Variants in FOXO3 observed in about 807,000 individuals in gnomAD.
The protein encoded by FOXO3 is forkhead box protein O3.
FOXO3 carries 4 observed loss-of-function variants against 41.9 expected under a neutral mutation model. That is an observed-to-expected ratio of 0.10 (90% CI 0.05 to 0.22). The LOEUF is 0.22. Ranked by LOEUF, FOXO3 falls within the 10% of genes least tolerant of loss-of-function variation. The pLI is 1.00. For synonymous variants in FOXO3, 318 were observed against 389.3 expected (o/e 0.82, Z 2.16); for missense variants, 534 against 906.8 (o/e 0.59, Z 5.28).
intron 1 of FOXO3, among the ~76,000 whole-genome samples, chr6:108,563,437 C>G (rs1039728792): frequency 6.6e-6 from 1 of 152,176 alleles, no homozygotes; most frequent in African/African-American, 2.4e-5. Flanking sequence ...TTAGACAATT[C>G]CATTTGAAAA....
chr6:108,584,192 G>A (rs1467078426), intron 1 of FOXO3, among the ~76,000 whole-genome samples: 1 of 152,278 alleles, frequency 6.6e-6, no homozygotes, highest in East Asian at 1.9e-4. Flanking sequence ...GTGGGTGATA[G>A]GGATATGCAA....
chr6:108,617,783 A>G (rs1422971270), intron 1 of FOXO3, among the ~76,000 whole-genome samples: 1 of 151,924 alleles, frequency 6.6e-6, no homozygotes, highest in Non-Finnish European at 1.5e-5. Context: ...ATCAAAACAT[A>G]CCGTTGGCTG....
intron 2 of FOXO3, among the ~76,000 whole-genome samples, chr6:108,677,452 T>C (rs1433359843): frequency 6.6e-6 from 1 of 152,160 alleles, no homozygotes; most frequent in Non-Finnish European, 1.5e-5. Flanking sequence ...CCAGCCCACA[T>C]TGGAGCAAGC....
intron 1 of FOXO3, among the ~76,000 whole-genome samples, chr6:108,628,740 AG>A (rs1244864290): frequency 6.6e-6 from 1 of 152,188 alleles, no homozygotes; most frequent in African/African-American, 2.4e-5. Context: ...GCCGGGTTAT[AG>A]CTAGACAGTA....
chr6:108,588,312 G>T (rs1305192974), intron 1 of FOXO3, among the ~76,000 whole-genome samples: 1 of 151,700 alleles, frequency 6.6e-6, no homozygotes. Context: ...GATTTGCATA[G>T]ACCATTGACT....
intron 2 of FOXO3, among the ~76,000 whole-genome samples, chr6:108,670,449 G>T (rs1779186286): frequency 6.6e-6 from 1 of 151,200 alleles, no homozygotes; most frequent in African/African-American, 2.4e-5. Flanking sequence ...CGGAATACTA[G>T]ATCCTCAAGA....
rs895751071 is a variant in FOXO3, at chr6:108,565,515, T to C, written c.621+3686T>C. Among the ~76,000 whole-genome samples the C allele has an allele frequency of 2.6e-5, 4 of 152,234 alleles. No homozygotes were observed. The East Asian group carries it at 7.7e-4, about 29-fold the overall frequency. On this transcript the variant is annotated intron_variant, in intron 1 of 2. Transcript: ENST00000406360. ...CCTGGTAAGGCCTATCTATCACTTA[T>C]TTCGTTATACACAGCACACATCTGC...
At chr6:108,658,138 G>A (rs1188270201) in intron 1 of FOXO3, among the ~76,000 whole-genome samples, 1 of 152,174 alleles carries the variant, frequency 6.6e-6, no homozygotes, top group African/African-American at 2.4e-5. Flanking sequence ...TGACCTGTGA[G>A]GAAAACAGAA....
chr6:108,675,072 C>T (rs1476371181), intron 2 of FOXO3, among the ~76,000 whole-genome samples: 1 of 152,114 alleles, frequency 6.6e-6, no homozygotes, highest in Non-Finnish European at 1.5e-5. Flanking sequence ...TTAACATAAT[C>T]CCTGCCTCAA....
rs1437132462 is a variant in FOXO3 at position 108,683,578 on chromosome 6, C to G, written c.*3786C>G. 2 of 152,110 alleles carry G rather than the reference C, an allele frequency of 1.3e-5. No homozygotes were observed. The highest frequency in any genetic ancestry group is 3.9e-4 in the East Asian group (2 of 5,146). 9.4% of individuals were successfully genotyped at this position (152,110 alleles called of 1,614,324 possible). On this transcript the variant is annotated 3_prime_UTR_variant, in exon 3 of 3. Transcript: ENST00000406360. ...GCGCATGCCTGTAATCCCAGCTACT[C>G]TGGAGGCTGAGGCAGGAGAATCGCT...
intron 1 of FOXO3, among the ~76,000 whole-genome samples, chr6:108,622,655 G>C (rs890787989): frequency 6.6e-6 from 1 of 152,050 alleles, no homozygotes; most frequent in Admixed American, 6.5e-5. Flanking sequence ...TGCCCCTCTA[G>C]GGAAGGGGCC....
intron 1 of FOXO3, among the ~76,000 whole-genome samples, chr6:108,611,289 CCA>C (rs901370083): frequency 2.6e-5 from 4 of 152,082 alleles, no homozygotes; most frequent in African/African-American, 9.7e-5. Context: ...TGGGTTGTTT[CCA>C]GTTTTTTACA....
At chr6:108,627,899 G>A (rs72942587) in intron 1 of FOXO3, among the ~76,000 whole-genome samples, 5,978 of 152,132 alleles carry the variant, frequency 0.039, 239 homozygotes, top group South Asian at 0.21. Context: ...AGAGTATCAC[G>A]TACTTTATAG....
chr6:108,611,304 T>C (rs957172613), intron 1 of FOXO3, among the ~76,000 whole-genome samples: 4 of 152,234 alleles, frequency 2.6e-5, no homozygotes, highest in African/African-American at 9.6e-5. Context: ...TTTTTACAGT[T>C]ATGAATAAAA....
intron 1 of FOXO3, among the ~76,000 whole-genome samples, chr6:108,581,087 A>G (rs1393537586): frequency 1.3e-5 from 2 of 152,246 alleles, no homozygotes; most frequent in African/African-American, 4.8e-5. Context: ...AAGTTGAAGC[A>G]GACTAATTGT....
intron 1 of FOXO3, among the ~76,000 whole-genome samples, chr6:108,611,696 C>CTTTTTTTTTTTTTT (rs780238724): frequency 8.0e-6 from 1 of 125,440 alleles, no homozygotes; most frequent in African/African-American, 2.9e-5. Context: ...AATCTTTTGC[C>CTTTTTTTTTTTTTT]TTTTTTTTTT....
intron 1 of FOXO3, among the ~76,000 whole-genome samples, chr6:108,564,196 G>A (rs755935597): frequency 3.3e-5 from 5 of 152,218 alleles, no homozygotes; most frequent in Non-Finnish European, 7.3e-5. Context: ...ATCAAAAGAT[G>A]CAGCCATGCA....
chr6:108,640,260 GC>G (rs1778221564), intron 1 of FOXO3, among the ~76,000 whole-genome samples: 2 of 152,328 alleles, frequency 1.3e-5, no homozygotes, highest in East Asian at 3.9e-4. Context: ...GGCACAGTAA[GC>G]CTTAGGGACA....
intron 1 of FOXO3, among the ~76,000 whole-genome samples, chr6:108,570,534 G>A (rs919787973): frequency 6.6e-6 from 1 of 151,936 alleles, no homozygotes; most frequent in African/African-American, 2.4e-5. Flanking sequence ...TCACTTTGTT[G>A]CCAGGTTGGT....
Sources: gnomAD v4.1 joint callset for allele counts (sites outside exome capture counted in the v4.1 genomes callset) on GRCh38, gnomAD v4.1.1 for gene constraint, MANE v1.5 for transcripts, NCBI Gene and HGNC (gene_info 2026-07-23, HGNC 2026-07-21) for gene names.